Variants in ATP2C2 observed in about 807,000 individuals in gnomAD.
ATP2C2 encodes calcium-transporting ATPase type 2C member 2.
Under a neutral mutation model 110.8 loss-of-function variants are expected in ATP2C2, and 171 were observed. The observed-to-expected ratio is 1.54, with a 90% CI of 1.36 to 1.75. The LOEUF is 1.75. Among genes scored for constraint, ATP2C2 ranks in the 40% most tolerant of loss-of-function variants. The pLI is 0.00. For missense variants in ATP2C2, 1,963 were observed against 1,235.0 expected, an observed-to-expected ratio of 1.59 and a Z score of -8.84; for synonymous variants, 804 against 508.4, an observed-to-expected ratio of 1.58 and a Z score of -7.82.
Position 84,458,735 on chromosome 16 carries a change from A to C in ATP2C2, c.2148-385A>C, listed in dbSNP as rs559326257. 9.3e-4 allele frequency among the ~76,000 whole-genome samples: 142 copies of C among 152,258 alleles called. 1 individual carries two copies. The highest frequency in any genetic ancestry group is 3.3e-3 in the African/African-American group (138 of 41,558). On this transcript the variant is annotated intron_variant, in intron 21 of 26. Transcript: ENST00000262429. Reference sequence around the variant, plus strand: ...TTACCGTCCTCCGGACCTCATTTTTAGGCCGAACTGGTTTTGCTGCGTCTC... The same window carrying C: ...TTACCGTCCTCCGGACCTCATTTTTCGGCCGAACTGGTTTTGCTGCGTCTC...
chr16:84,412,510 GTGTGTGTCTGTGTGTGCA>G (rs1358628517), intron 6 of ATP2C2, among the ~76,000 whole-genome samples: 79 of 65,490 alleles, frequency 1.2e-3, no homozygotes, highest in African/African-American at 4.1e-3. Context: ...ATATGTGTCT[GTGTGTGTCTGTGTGTGCA>G]TGTGTCTGTG....
intron 20 of ATP2C2, among the ~76,000 whole-genome samples, chr16:84,454,022 G>C (rs2150586515): frequency 6.6e-6 from 1 of 152,250 alleles, no homozygotes; most frequent in Non-Finnish European, 1.5e-5. Flanking sequence ...TGTAATTTTA[G>C]TAGAGGCAGG....
chr16:84,389,046 C>T (rs967320694), intron 1 of ATP2C2, among the ~76,000 whole-genome samples: 3 of 152,134 alleles, frequency 2.0e-5, no homozygotes, highest in African/African-American at 4.8e-5. Flanking sequence ...CATGAGCCAC[C>T]GCGCCCGGCC....
rs896994942 is a variant in ATP2C2, at chr16:84,398,556, C to T, written c.157C>T (p.Pro53Ser). The T allele has an allele frequency of 6.2e-7, 1 of 1,611,464 alleles. No individual in the cohort carries two copies. The highest frequency in any genetic ancestry group is 8.5e-7 in the Non-Finnish European group (1 of 1,178,850). The change falls in exon 2 of 27, where the codon CCC (proline) becomes TCC (serine). Residue 53 changes from proline (P) to serine (S), a missense_variant. Coordinates refer to ENST00000262429, the MANE Select transcript of ATP2C2 (RefSeq NM_014861.4). Reference sequence around the variant, plus strand: ...GAAAGAGAAGAAGGTGACAGCCCTGCCCCCCAAGGAAGCGTGCAAATGCCA... The same window carrying T: ...GAAAGAGAAGAAGGTGACAGCCCTGTCCCCCAAGGAAGCGTGCAAATGCCA... ...IEKEKKVTALPPKEACKCQKE... is the reference protein window; with the variant it reads ...IEKEKKVTALSPKEACKCQKE...
chr16:84,445,127 C>T (rs1207106779), intron 15 of ATP2C2, among the ~76,000 whole-genome samples: 2 of 152,144 alleles, frequency 1.3e-5, no homozygotes, highest in African/African-American at 2.4e-5. Flanking sequence ...GACTCGCAGA[C>T]GCATCCCTGC....
In ATP2C2 at chr16:84,391,113, CAAA is replaced by C. The variant is rs567509863; in HGVS notation, c.100-7367_100-7365del. ...TGGGTGACAGAGTGAGACTCAGACTCAAAAAAAAAAAAAAAAAAAAAGAAGAAG... is the reference window on the plus strand; with the variant it reads ...TGGGTGACAGAGTGAGACTCAGACTCAAAAAAAAAAAAAAAAAAGAAGAAG... On this transcript the variant is annotated intron_variant, in intron 1 of 26. Coordinates refer to ENST00000262429, the MANE Select transcript of ATP2C2 (RefSeq NM_014861.4). Among the ~76,000 whole-genome samples, 137 of 73,284 alleles carry C rather than the reference CAAA, an allele frequency of 1.9e-3. 2 individuals carry two copies. In the South Asian group the frequency reaches 0.046, roughly 25 times the overall value. The allele number at this position is 73,284 out of a possible 152,430, so 48.1% of individuals were successfully genotyped here. A position where few individuals can be genotyped will look rare whatever the true frequency, so the allele number is the denominator to read the frequency against.
intron 16 of ATP2C2, among the ~76,000 whole-genome samples, chr16:84,447,191 G>A (rs370144206): frequency 2.0e-5 from 3 of 152,202 alleles, no homozygotes; most frequent in East Asian, 3.9e-4. Flanking sequence ...TGCCCACGCA[G>A]ACTGCTCAGC....
intron 15 of ATP2C2, among the ~76,000 whole-genome samples, chr16:84,443,536 T>G (rs1223740818): frequency 6.6e-6 from 1 of 152,168 alleles, no homozygotes; most frequent in Admixed American, 6.5e-5. Flanking sequence ...TCACCCTCCC[T>G]TCCTGCTTCC....
intron 1 of ATP2C2, among the ~76,000 whole-genome samples, chr16:84,389,478 G>A (rs1249404452): frequency 6.6e-6 from 1 of 152,208 alleles, no homozygotes; most frequent in Non-Finnish European, 1.5e-5. Context: ...AACAATAAGT[G>A]CACGCTTGTC....
At chr16:84,442,628 G>C in intron 15 of ATP2C2, 29 bp downstream of exon 15, 1 of 1,601,844 alleles carries the variant, frequency 6.2e-7, no homozygotes, top group Non-Finnish European at 8.6e-7. Context: ...GCTCTGCGGG[G>C]AATTCTTTCG....
chr16:84,448,776 G>C (rs893281933), intron 17 of ATP2C2, 87 bp downstream of exon 17: 4 of 1,509,384 alleles, frequency 2.7e-6, no homozygotes, highest in Middle Eastern at 2.5e-4. Flanking sequence ...CCTAGTCAAG[G>C]AGGTCACCCG....
chr16:84,375,540 CAAAAA>C (rs34953788), intron 1 of ATP2C2, among the ~76,000 whole-genome samples: 1 of 130,884 alleles, frequency 7.6e-6, no homozygotes, highest in Admixed American at 7.5e-5. Context: ...GACTCTGTCT[CAAAAA>C]AAAAAAAAAA....
intron 26 of ATP2C2, chr16:84,462,412 G>C: frequency 2.8e-6 from 1 of 353,914 alleles, no homozygotes. Context: ...TGGAGGCTCA[G>C]AGCACGTGCA....
intron 1 of ATP2C2, among the ~76,000 whole-genome samples, chr16:84,389,579 G>A: frequency 6.6e-6 from 1 of 152,112 alleles, no homozygotes; most frequent in Non-Finnish European, 1.5e-5. Context: ...TCTTAAACGC[G>A]GCAGCCCTCT....
At chr16:84,453,503 A>T in intron 20 of ATP2C2, 132 bp downstream of exon 20, 1 of 1,251,484 alleles carries the variant, frequency 8.0e-7, no homozygotes, top group South Asian at 1.2e-5. Context: ...GGTCCAGGGC[A>T]GCTGCCCCGG....
chr16:84,388,419 C>T lies in ATP2C2; in HGVS notation c.100-10080C>T, dbSNP rs555794948. ...TGGAACACAGACTGTCTGCCCACCC[C>T]TAGGGCTTCTGAGGTAGTAGGCCCA... On this transcript the variant is annotated intron_variant, in intron 1 of 26. Coordinates refer to ENST00000262429, the MANE Select transcript of ATP2C2 (RefSeq NM_014861.4). Among the ~76,000 whole-genome samples, 293 of 152,338 alleles carry T rather than the reference C, an allele frequency of 1.9e-3. 1 individual carries two copies. The highest frequency in any genetic ancestry group is 3.2e-3 in the Non-Finnish European group (218 of 68,026).
chr16:84,437,430 T>C (rs2564094), intron 11 of ATP2C2, among the ~76,000 whole-genome samples: 125,535 of 152,022 alleles, frequency 0.83, 51,966 homozygotes, highest in East Asian at 0.95. Context: ...AGGCTAGTCT[T>C]GAACTCTTGA....
intron 5 of ATP2C2, 47 bp from the exon 6 acceptor site, chr16:84,410,657 A>G (rs569774581): frequency 4.3e-6 from 7 of 1,613,698 alleles, no homozygotes; most frequent in Admixed American, 1.7e-5. Context: ...CAGGAGCTTC[A>G]TGGAGTCCCC....
At chr16:84,440,513 C>G (rs1909146721) in intron 13 of ATP2C2, among the ~76,000 whole-genome samples, 1 of 152,212 alleles carries the variant, frequency 6.6e-6, no homozygotes, top group Admixed American at 6.5e-5. Context: ...GTAGCCACGA[C>G]AAAGGTGGTA....
Sources: allele counts gnomAD v4.1 joint callset (sites outside exome capture counted in the v4.1 genomes callset), GRCh38; gene constraint gnomAD v4.1.1; transcripts MANE v1.5; gene names NCBI Gene and HGNC (gene_info 2026-07-23, HGNC 2026-07-21).